Variants in POGZ observed in about 807,000 individuals in gnomAD.
POGZ encodes the protein pogo transposable element with ZNF domain.
POGZ carries 17 observed loss-of-function variants against 134.6 expected under a neutral mutation model. The ratio of observed to expected loss-of-function variants is 0.13; its 90% CI spans 0.09 to 0.19. The LOEUF (loss-of-function observed/expected upper bound fraction) is 0.19. POGZ is among the 10% of genes least tolerant of loss of function. The pLI, the probability that POGZ is intolerant of heterozygous loss-of-function variation, is 1.00. For missense variants in POGZ, 1,306 were observed against 1,769.7 expected (o/e 0.74, Z 4.70); for synonymous variants, 693 against 657.1 (o/e 1.05, Z -0.84).
intron 10 of POGZ, 85 bp downstream of exon 10, chr1:151,423,312 T>C (rs1657250142): frequency 6.1e-6 from 7 of 1,154,742 alleles, no homozygotes; most frequent in Non-Finnish European, 9.0e-6. Flanking sequence ...CACATGTAAA[T>C]AAATATAATG....
intron 18 of POGZ, 60 bp downstream of exon 18, chr1:151,406,547 T>TAATAAC: frequency 1.9e-6 from 3 of 1,548,780 alleles, no homozygotes; most frequent in Non-Finnish European, 2.6e-6. Flanking sequence ...ATAATAATAA[T>TAATAAC]AATAACAGAG....
intron 10 of POGZ, among the ~76,000 whole-genome samples, chr1:151,418,836 T>G (rs1656265071): frequency 6.7e-6 from 1 of 150,160 alleles, no homozygotes; most frequent in African/African-American, 2.5e-5. Flanking sequence ...CCAGCCTGGC[T>G]AACATGCTGA....
intron 7 of POGZ, chr1:151,427,328 G>A (rs72996065): frequency 0.011 from 1,678 of 157,810 alleles, 36 homozygotes; most frequent in African/African-American, 0.038. Flanking sequence ...ATGCTCATTC[G>A]TTTATGTATC....
rs890324171 is a variant in POGZ at position 151,408,467 on chromosome 1, G to C, written c.2176C>G (p.Pro726Ala). The change falls in exon 14 of 19, where the codon CCT becomes GCT. Residue 726 changes from proline to alanine, a missense_variant. By Grantham distance (27) the Pro-to-Ala change is conservative (BLOSUM62 -1). Coordinates refer to ENST00000271715, the MANE Select transcript of POGZ (RefSeq NM_015100.4). ...APLTSSMDPL[P>A]VFLYPPVQRS... ...TGGACAGGGGGATAAAGGAAGACAG[G>C]CAGAGGGTCCATTGAGGAGGTCAGC... is the stretch of plus-strand genomic sequence containing the variant. 4.9e-5 allele frequency: 78 copies of C among 1,592,714 alleles called. No individual in the cohort carries two copies. The highest frequency in any genetic ancestry group is 6.6e-5 in the Non-Finnish European group (77 of 1,174,800).
At chr1:151,430,209 G>A (rs1658471667) in intron 4 of POGZ, among the ~76,000 whole-genome samples, 1 of 152,172 alleles carries the variant, frequency 6.6e-6, no homozygotes, top group African/African-American at 2.4e-5. Context: ...TCCATATTCA[G>A]AATTAGGCTT....
At chr1:151,427,602 C>T in intron 7 of POGZ, 3 of 507,376 alleles carry the variant, frequency 5.9e-6, no homozygotes, top group South Asian at 4.9e-5. Context: ...CAATCAATTT[C>T]ACTAATCTCC....
At chr1:151,425,974 T>G (rs1233890616) in intron 7 of POGZ, among the ~76,000 whole-genome samples, 1 of 152,206 alleles carries the variant, frequency 6.6e-6, no homozygotes, top group Non-Finnish European at 1.5e-5. Flanking sequence ...CCACCAACAG[T>G]GCGTAAGGGT....
At chr1:151,406,865 CT>C in intron 17 of POGZ, 45 bp downstream of exon 17, 1 of 1,446,016 alleles carries the variant, frequency 6.9e-7, no homozygotes, top group Non-Finnish European at 9.7e-7. Flanking sequence ...GAACCTGTAT[CT>C]TTTTTCCTCC....
chr1:151,458,677 A>C (rs1157102825), intron 1 of POGZ, among the ~76,000 whole-genome samples: 23 of 134,716 alleles, frequency 1.7e-4, no homozygotes, highest in Admixed American at 5.8e-4. Flanking sequence ...CCGTCTCGCC[A>C]CCGCCCGCGC....
intron 1 of POGZ, among the ~76,000 whole-genome samples, chr1:151,445,394 C>T (rs1439153495): frequency 2.0e-5 from 3 of 151,662 alleles, no homozygotes; most frequent in African/African-American, 7.3e-5. Context: ...TGGTGGCACA[C>T]GCCTGTAATC....
intron 10 of POGZ, among the ~76,000 whole-genome samples, chr1:151,416,760 G>C (rs893066455): frequency 6.6e-6 from 1 of 151,272 alleles, no homozygotes; most frequent in Non-Finnish European, 1.5e-5. Flanking sequence ...AGCAGCTGGG[G>C]CTACAGGCAC....
chr1:151,410,384 CTAAAT>C (rs1038701198), intron 12 of POGZ, among the ~76,000 whole-genome samples: 7 of 152,302 alleles, frequency 4.6e-5, no homozygotes, highest in African/African-American at 1.4e-4. Flanking sequence ...ATCAATGTTG[CTAAAT>C]TAAAGGCCTG....
chr1:151,417,224 C>T (rs921660889), intron 10 of POGZ, among the ~76,000 whole-genome samples: 1 of 151,064 alleles, frequency 6.6e-6, no homozygotes, highest in Non-Finnish European at 1.5e-5. Flanking sequence ...CCACCACACA[C>T]GGCTAACTTT....
rs868160903 is a variant in POGZ, at chr1:151,422,720, T to C, written c.1678+677A>G. Among the ~76,000 whole-genome samples the C allele has an allele frequency of 9.2e-5, 14 of 152,146 alleles. 1 individual carries two copies. In the Middle Eastern group the frequency reaches 0.02, roughly 222 times the overall value. Reference sequence around the variant, plus strand: ...GATTCTCCTGTCTCAGCCTCCCGAGTAGCTGGGATTACAGGTGCCCGCCAC... The same window carrying C: ...GATTCTCCTGTCTCAGCCTCCCGAGCAGCTGGGATTACAGGTGCCCGCCAC... On this transcript the variant is annotated intron_variant, in intron 10 of 18. Transcript: ENST00000271715.
chr1:151,455,645 C>T (rs1371409134), intron 1 of POGZ, among the ~76,000 whole-genome samples: 2 of 152,082 alleles, frequency 1.3e-5, no homozygotes, highest in Non-Finnish European at 2.9e-5. Context: ...AACATTTCAA[C>T]AAAAAATACT....
chr1:151,441,064 G>A lies in POGZ; in HGVS notation c.147C>T (p.Val49=). The change falls in exon 3 of 19, where the codon GTC becomes GTT. Residue 49 remains valine (V), a synonymous_variant. Coordinates refer to ENST00000271715, the MANE Select transcript of POGZ (RefSeq NM_015100.4). ...TTTVSVSQQP[V]SAPVPIAAHA... is the part of the protein sequence containing the mutation. ...GGGCAGCGATGGGCACTGGAGCCGA[G>A]ACTGGCTGCTGGCTCACAGAAACTG... The A allele has an allele frequency of 1.2e-6, 2 of 1,613,926 alleles. No homozygotes were observed. The highest frequency in any genetic ancestry group is 1.7e-6 in the Non-Finnish European group (2 of 1,179,866).
chr1:151,406,425 C>A lies in POGZ; in HGVS notation c.2610G>T (p.Val870=). 1.3e-6 allele frequency: 2 copies of A among 1,556,752 alleles called. No homozygotes were observed. The highest frequency in any genetic ancestry group is 1.2e-5 in the South Asian group (1 of 80,644). ...QTRDRVHDRN[V]KNMYPPPSFP... ...AGGAAGGAGGAGGGTACATATTCTT[C>A]ACGTTCCGGTCATGCACTCGGTCAC... The change falls in exon 19 of 19, where the codon GTG becomes GTT. Residue 870 remains valine, a synonymous_variant. Coordinates refer to ENST00000271715, the MANE Select transcript of POGZ (RefSeq NM_015100.4).
intron 1 of POGZ, among the ~76,000 whole-genome samples, chr1:151,446,678 C>T (rs1469820458): frequency 6.8e-6 from 1 of 147,066 alleles, no homozygotes; most frequent in South Asian, 2.1e-4. Flanking sequence ...ATCGCTTGAA[C>T]CTGAGAGGTG....
At chr1:151,438,291 A>G (rs537175691) in intron 3 of POGZ, among the ~76,000 whole-genome samples, 31 of 152,284 alleles carry the variant, frequency 2.0e-4, no homozygotes, top group African/African-American at 7.5e-4. Flanking sequence ...ATAGATATAT[A>G]AAGTAAAATA....
Sources: gnomAD v4.1 joint callset for allele counts (sites outside exome capture counted in the v4.1 genomes callset) on GRCh38, gnomAD v4.1.1 for gene constraint, MANE v1.5 for transcripts, NCBI Gene and HGNC (gene_info 2026-07-23, HGNC 2026-07-21) for gene names.